The following KCNIP4 variants were observed in gnomAD, a reference collection of about 807,000 sequenced individuals.
KCNIP4 encodes Kv channel-interacting protein 4.
KCNIP4 carries 12 observed loss-of-function variants against 34.0 expected under a neutral mutation model. The observed-to-expected ratio is 0.35, with a 90% CI of 0.23 to 0.57. The LOEUF is 0.57. KCNIP4 is among the 20% of genes least tolerant of loss of function. The pLI, the probability that KCNIP4 is intolerant of heterozygous loss-of-function variation, is 0.83. For synonymous variants in KCNIP4, 124 were observed against 102.2 expected (o/e 1.21, Z -1.29); for missense variants, 238 against 311.7 (o/e 0.76, Z 1.78).
At chr4:21,497,333 C>T (rs1243421604) in intron 1 of KCNIP4, among the ~76,000 whole-genome samples, 11 of 152,108 alleles carry the variant, frequency 7.2e-5, no homozygotes, top group Non-Finnish European at 1.6e-4. Context: ...ATTATTGCCC[C>T]TCTGTTATTT....
At chr4:21,677,406 A>G (rs977734752) in intron 1 of KCNIP4, among the ~76,000 whole-genome samples, 23 of 152,210 alleles carry the variant, frequency 1.5e-4, no homozygotes, top group African/African-American at 5.3e-4. Flanking sequence ...AAAATGGAAA[A>G]GTTGCTCAAT....
chr4:21,464,172 T>C (rs1729715683), intron 1 of KCNIP4, among the ~76,000 whole-genome samples: 1 of 152,032 alleles, frequency 6.6e-6, no homozygotes, highest in Non-Finnish European at 1.5e-5. Flanking sequence ...TAGAATTGAT[T>C]GATTTTTTGT....
intron 1 of KCNIP4, among the ~76,000 whole-genome samples, chr4:21,621,493 G>T (rs1744995089): frequency 6.6e-6 from 1 of 152,086 alleles, no homozygotes; most frequent in Non-Finnish European, 1.5e-5. Context: ...AGCCTCCTAA[G>T]TAGTTGTGAC....
rs1491328162 is a variant in KCNIP4, at chr4:21,234,418, T to TATATATATTACATATAACGTATATA, written c.62-351734_62-351710dup. On this transcript the variant is annotated intron_variant, in intron 1 of 8. Coordinates refer to ENST00000382152, the MANE Select transcript of KCNIP4 (RefSeq NM_025221.6). ...ATATAATATATTATATAACATATAC[T>TATATATATTACATATAACGTATATA]ATATATATTACATATAACGTATATA... is the stretch of plus-strand genomic sequence containing the variant. Among the ~76,000 whole-genome samples, 238 of 94,592 alleles carry TATATATATTACATATAACGTATATA rather than the reference T, an allele frequency of 2.5e-3. 6 individuals carry two copies. Among genetic ancestry groups the TATATATATTACATATAACGTATATA allele is most frequent in the East Asian group, 5.9e-3 (20 of 3,392 alleles). The allele number at this position is 94,592 out of a possible 152,430, so 62.1% of individuals were successfully genotyped here. A position where few individuals can be genotyped will look rare whatever the true frequency, so the allele number is the denominator to read the frequency against.
intron 1 of KCNIP4, among the ~76,000 whole-genome samples, chr4:21,662,706 C>A (rs114236705): frequency 6.6e-6 from 1 of 152,110 alleles, no homozygotes; most frequent in African/African-American, 2.4e-5. Flanking sequence ...AGACTTCATA[C>A]ACAGAATTAC....
chr4:21,483,165 A>C (rs1228402486), intron 1 of KCNIP4, among the ~76,000 whole-genome samples: 1 of 151,834 alleles, frequency 6.6e-6, no homozygotes, highest in Non-Finnish European at 1.5e-5. Flanking sequence ...AACATGGCAC[A>C]TGTATACATA....
intron 1 of KCNIP4, among the ~76,000 whole-genome samples, chr4:21,843,178 T>C (rs1157161345): frequency 6.6e-6 from 1 of 152,090 alleles, no homozygotes; most frequent in Non-Finnish European, 1.5e-5. Flanking sequence ...TAAAAGCTAT[T>C]GTTATTTATT....
At chr4:21,174,285 C>T (rs1228668282) in intron 1 of KCNIP4, among the ~76,000 whole-genome samples, 2 of 152,122 alleles carry the variant, frequency 1.3e-5, no homozygotes, top group East Asian at 1.9e-4. Context: ...TGAGAAGAAG[C>T]GTGGTATTTT....
At position 20,795,733 on chromosome 4, in the gene KCNIP4, C is replaced by T. The variant is rs550379793; in HGVS notation, c.289-36843G>A. Among the ~76,000 whole-genome samples, 15 of 152,210 alleles carry T rather than the reference C, an allele frequency of 9.9e-5. No individual in the cohort carries two copies. In the South Asian group the frequency reaches 3.1e-3, roughly 32 times the overall value. ...TTTTTTTAAGGAAATCAAAACAATG[C>T]CATTATTATAAAAGTTAATGACATA... On this transcript the variant is annotated intron_variant, in intron 3 of 8. Coordinates refer to ENST00000382152, the MANE Select transcript of KCNIP4 (RefSeq NM_025221.6).
At chr4:21,901,772 T>C (rs1353416747) in intron 1 of KCNIP4, among the ~76,000 whole-genome samples, 6 of 152,156 alleles carry the variant, frequency 3.9e-5, no homozygotes, top group Admixed American at 2.6e-4. Flanking sequence ...TTTGTTTTCA[T>C]ACAAGGGGTC....
At chr4:20,730,788 T>G (rs759923910) in intron 8 of KCNIP4, among the ~76,000 whole-genome samples, 1 of 152,172 alleles carries the variant, frequency 6.6e-6, no homozygotes, top group Non-Finnish European at 1.5e-5. Context: ...GGGACAGACT[T>G]TGGGCATTAT....
At chr4:20,928,244 C>CTTTTTTTTTTTTTTTTTTTT (rs11403879) in intron 1 of KCNIP4, among the ~76,000 whole-genome samples, 1 of 146,988 alleles carries the variant, frequency 6.8e-6, no homozygotes, top group Non-Finnish European at 1.5e-5. Flanking sequence ...AAGATAGTTT[C>CTTTTTTTTTTTTTTTTTTTT]TTTTTTTTTT....
At chr4:21,111,430 TAGAGAGTCAGGTATAGGA>T (rs1403659349) in intron 1 of KCNIP4, among the ~76,000 whole-genome samples, 5 of 152,308 alleles carry the variant, frequency 3.3e-5, no homozygotes, top group African/African-American at 1.2e-4. Context: ...CAAACAGATT[TAGAGAGTCAGGTATAGGA>T]AGAATGTGGC....
chr4:20,975,706 A>G (rs923758325), intron 1 of KCNIP4, among the ~76,000 whole-genome samples: 1 of 152,222 alleles, frequency 6.6e-6, no homozygotes, highest in Admixed American at 6.5e-5. Flanking sequence ...CATCAACCTG[A>G]GACCCCCTTC....
intron 3 of KCNIP4, among the ~76,000 whole-genome samples, chr4:20,803,139 C>T (rs1414825963): frequency 6.8e-6 from 1 of 147,998 alleles, no homozygotes; most frequent in Admixed American, 6.7e-5. Context: ...ATACCAAAAC[C>T]TATGGGATGC....
chr4:21,297,640 T>G (rs73249542), intron 1 of KCNIP4, among the ~76,000 whole-genome samples: 1 of 152,284 alleles, frequency 6.6e-6, no homozygotes, highest in Non-Finnish European at 1.5e-5. Context: ...AGATGATCAA[T>G]TTGAAACTGG....
intron 1 of KCNIP4, chr4:21,848,650 C>T (rs995211074): frequency 6.6e-6 from 1 of 152,040 alleles, no homozygotes; most frequent in East Asian, 1.9e-4. Context: ...TCTAAAATAT[C>T]CCTAAGGGCC....
At chr4:21,208,434 A>G (rs907660410) in intron 1 of KCNIP4, among the ~76,000 whole-genome samples, 1 of 152,182 alleles carries the variant, frequency 6.6e-6, no homozygotes, top group African/African-American at 2.4e-5. Flanking sequence ...AAAATAGCAG[A>G]CAAAATAGTC....
At chr4:21,807,239 G>A (rs1005110402) in intron 1 of KCNIP4, among the ~76,000 whole-genome samples, 1 of 152,166 alleles carries the variant, frequency 6.6e-6, no homozygotes, top group African/African-American at 2.4e-5. Context: ...AGCTTCGCTT[G>A]CTCACTGACA....
Sources: gnomAD v4.1 joint callset for allele counts (sites outside exome capture counted in the v4.1 genomes callset) on GRCh38, gnomAD v4.1.1 for gene constraint, MANE v1.5 for transcripts, NCBI Gene and HGNC (gene_info 2026-07-23, HGNC 2026-07-21) for gene names.